The following HMCN1 variants were observed in gnomAD, a reference collection of about 807,000 sequenced individuals.
The protein encoded by HMCN1 is hemicentin-1.
A neutral mutation model predicts 625.9 loss-of-function variants in HMCN1; 321 were observed. The observed-to-expected ratio is 0.51, with a 90% CI of 0.47 to 0.56. The LOEUF (loss-of-function observed/expected upper bound fraction) is 0.56. HMCN1 is among the 20% of genes least tolerant of loss of function. HMCN1 has a pLI of 0.00. For synonymous variants in HMCN1, 2,425 were observed against 2,417.6 expected, an observed-to-expected ratio of 1.00 and a Z score of -0.09; for missense variants, 6,588 against 6,887.3, an observed-to-expected ratio of 0.96 and a Z score of 1.54.
At chr1:186,127,624 C>T (rs947269784) in intron 82 of HMCN1, among the ~76,000 whole-genome samples, 2 of 152,016 alleles carry the variant, frequency 1.3e-5, no homozygotes, top group Non-Finnish European at 2.9e-5. Flanking sequence ...GAGAGCTGGC[C>T]GTTGAATTTA....
chr1:185,955,632 G>C (rs544536542), intron 11 of HMCN1, among the ~76,000 whole-genome samples: 2 of 152,234 alleles, frequency 1.3e-5, no homozygotes, highest in African/African-American at 4.8e-5. Flanking sequence ...TGTTAGGCAG[G>C]TAATTTTGGG....
chr1:186,066,618 T>C (rs1044017654), intron 49 of HMCN1, among the ~76,000 whole-genome samples: 1 of 152,308 alleles, frequency 6.6e-6, no homozygotes, highest in Non-Finnish European at 1.5e-5. Flanking sequence ...ACAGGCTCTG[T>C]CTGACACTAC....
intron 12 of HMCN1, among the ~76,000 whole-genome samples, chr1:185,962,900 T>A (rs1650132125): frequency 6.6e-6 from 1 of 152,168 alleles, no homozygotes; most frequent in South Asian, 2.1e-4. Flanking sequence ...TACTTTGAGC[T>A]GCAAATGTAG....
At chr1:185,987,712 C>A (rs1652095934) in intron 20 of HMCN1, among the ~76,000 whole-genome samples, 168 bp downstream of exon 20, 1 of 152,066 alleles carries the variant, frequency 6.6e-6, no homozygotes, top group South Asian at 2.1e-4. Flanking sequence ...CTCCAAGAAA[C>A]CATATAGATG....
In HMCN1 at chr1:186,045,672, C is replaced by T. The variant is rs183087222; in HGVS notation, c.6305-16C>T. 2,611 of 1,605,502 alleles carry T rather than the reference C, an allele frequency of 1.6e-3. 3 individuals are homozygous for T. The highest frequency in any genetic ancestry group is 2.0e-3 in the Non-Finnish European group (2,382 of 1,172,404). ...TGGCCTGTTTTATCCTGAAAGAAAACCCATCTTTCATGTAGTTCCGCCAAA... is the reference window on the plus strand; with the variant it reads ...TGGCCTGTTTTATCCTGAAAGAAAATCCATCTTTCATGTAGTTCCGCCAAA... On this transcript the variant is annotated splice_polypyrimidine_tract_variant and intron_variant, in intron 40 of 106. Transcript: ENST00000271588.
rs755917071 is a variant in HMCN1 at position 185,911,714 on chromosome 1, A to T, written c.834A>T (p.Leu278Phe). 4 of 1,613,512 alleles carry T rather than the reference A, an allele frequency of 2.5e-6. No homozygotes were observed. The highest frequency in any genetic ancestry group is 3.4e-6 in the Non-Finnish European group (4 of 1,179,504). The change falls in exon 6 of 107, where the codon TTA (leucine) becomes TTT (phenylalanine). Residue 278 changes from leucine to phenylalanine, a missense_variant. Physicochemically the swap from Leu to Phe is conservative, Grantham distance 22 (BLOSUM62 0). Coordinates refer to ENST00000271588, the MANE Select transcript of HMCN1 (RefSeq NM_031935.3). ...IKKGFGLHELLNIHNSAKVVN... is the reference protein window; with the variant it reads ...IKKGFGLHELFNIHNSAKVVN... The stretch of plus-strand genomic sequence containing the variant: ...AGGGATTTGGCCTGCATGAGCTATT[A>T]AATATCCATAACTCTGCCAAAGTAG...
At chr1:185,906,260 G>GA (rs1490573969) in intron 4 of HMCN1, among the ~76,000 whole-genome samples, 1 of 151,686 alleles carries the variant, frequency 6.6e-6, no homozygotes, top group Admixed American at 6.6e-5. Flanking sequence ...AGTTGCATCT[G>GA]TTTTCAATTT....
At chr1:186,152,273 C>T (rs1253449721) in intron 95 of HMCN1, among the ~76,000 whole-genome samples, 3 of 152,182 alleles carry the variant, frequency 2.0e-5, no homozygotes, top group Non-Finnish European at 2.9e-5. Context: ...TGGTCAGCCT[C>T]AATAGCAGTG....
intron 105 of HMCN1, among the ~76,000 whole-genome samples, chr1:186,183,748 A>T (rs1653096732): frequency 6.6e-6 from 1 of 152,118 alleles, no homozygotes; most frequent in South Asian, 2.1e-4. Context: ...TTGACCTCAG[A>T]TCTATATGTC....
chr1:185,881,715 T>A (rs978250450), intron 4 of HMCN1, among the ~76,000 whole-genome samples: 21 of 152,302 alleles, frequency 1.4e-4, no homozygotes, highest in African/African-American at 4.1e-4. Flanking sequence ...GAACAAGACA[T>A]AATGCTGAAC....
intron 1 of HMCN1, among the ~76,000 whole-genome samples, chr1:185,830,178 T>G (rs933384968): frequency 6.6e-6 from 1 of 152,136 alleles, no homozygotes; most frequent in Non-Finnish European, 1.5e-5. Context: ...TTGCAAAAAT[T>G]TTCTCTCATT....
intron 97 of HMCN1, among the ~76,000 whole-genome samples, chr1:186,157,540 G>T (rs574627899): frequency 6.6e-6 from 1 of 152,134 alleles, no homozygotes; most frequent in African/African-American, 2.4e-5. Flanking sequence ...CAATGTGCAG[G>T]TTAGTTACAT....
At chr1:186,127,554 G>T (rs970926288) in intron 82 of HMCN1, among the ~76,000 whole-genome samples, 3 of 152,052 alleles carry the variant, frequency 2.0e-5, no homozygotes, top group Non-Finnish European at 4.4e-5. Context: ...AGGTGGTTTC[G>T]CATAGAAAGG....
intron 1 of HMCN1, among the ~76,000 whole-genome samples, chr1:185,826,851 G>A (rs868235402): frequency 2.6e-5 from 4 of 152,042 alleles, no homozygotes; most frequent in Non-Finnish European, 5.9e-5. Flanking sequence ...CCAACAAATA[G>A]CTGGTACAGA....
At chr1:185,824,455 A>G (rs1660386316) in intron 1 of HMCN1, among the ~76,000 whole-genome samples, 1 of 152,122 alleles carries the variant, frequency 6.6e-6, no homozygotes, top group Non-Finnish European at 1.5e-5. Context: ...AAATTGTGTA[A>G]CCCTGTAAAT....
rs147374728 is a variant in HMCN1, at chr1:185,992,007, T to C, written c.3378-1175T>C. Reference sequence around the variant, plus strand: ...AAATGGTATCTTGTAATTGTTTTAATTTTCATGTGATTAACTTCAAGTGAA... The same window carrying C: ...AAATGGTATCTTGTAATTGTTTTAACTTTCATGTGATTAACTTCAAGTGAA... On this transcript the variant is annotated intron_variant, in intron 22 of 106. Coordinates refer to ENST00000271588, the MANE Select transcript of HMCN1 (RefSeq NM_031935.3). Among the ~76,000 whole-genome samples the C allele has an allele frequency of 9.8e-5, 15 of 152,320 alleles. No homozygotes were observed. The East Asian group carries it at 2.9e-3, about 29-fold the overall frequency.
At chr1:186,067,754 T>G in intron 49 of HMCN1, 80 bp from the exon 50 acceptor site, 1 of 932,466 alleles carries the variant, frequency 1.1e-6, no homozygotes, top group South Asian at 1.4e-5. Context: ...ATTATACAAA[T>G]ACATATAATG....
At chr1:186,178,937 G>A (rs1442811986) in intron 104 of HMCN1, among the ~76,000 whole-genome samples, 171 bp downstream of exon 104, 1 of 152,150 alleles carries the variant, frequency 6.6e-6, no homozygotes, top group East Asian at 1.9e-4. Context: ...ACAGACTTGA[G>A]TCAAGTGAAT....
intron 4 of HMCN1, among the ~76,000 whole-genome samples, chr1:185,887,043 C>T (rs1018832767): frequency 6.6e-6 from 1 of 152,098 alleles, no homozygotes; most frequent in Non-Finnish European, 1.5e-5. Context: ...GCTTCCTTAA[C>T]CTGAAATAAC....
Sources: gnomAD v4.1 joint callset for allele counts (sites outside exome capture counted in the v4.1 genomes callset) on GRCh38, gnomAD v4.1.1 for gene constraint, MANE v1.5 for transcripts, NCBI Gene and HGNC (gene_info 2026-07-23, HGNC 2026-07-21) for gene names.